BRD9: variants seen among roughly 807,000 people sequenced by gnomAD.
The protein encoded by BRD9 is bromodomain-containing protein 9.
BRD9 carries 47 observed loss-of-function variants against 68.7 expected under a neutral mutation model. That is an observed-to-expected ratio of 0.68 (90% CI 0.54 to 0.87). The LOEUF (loss-of-function observed/expected upper bound fraction) is 0.87, where lower values mean the gene tolerates loss of function less well. Ranked by LOEUF, BRD9 falls within the 40% of genes least tolerant of loss-of-function variation. BRD9 has a pLI of 0.00. For missense variants in BRD9, 670 were observed against 748.4 expected (o/e 0.90, Z 1.22); for synonymous variants, 313 against 293.9 (o/e 1.06, Z -0.67).
chr5:870,531 G>A lies in BRD9; in HGVS notation c.1467C>T (p.Phe489=), dbSNP rs1422072490. 6 of 1,614,078 alleles carry A rather than the reference G, an allele frequency of 3.7e-6. No individual in the cohort carries two copies. The African/African-American group carries it at 8.0e-5, about 22-fold the overall frequency. ...CGTCGGGATAGGACTTCATCGACATGAACTCCAGAACAGAGCTGCTGCTGT... is the reference window on the plus strand; with the variant it reads ...CGTCGGGATAGGACTTCATCGACATAAACTCCAGAACAGAGCTGCTGCTGT... The part of the protein sequence containing the change: ...LGDSSSSVLE[F]MSMKSYPDVS... Residue 489 remains phenylalanine, a synonymous_variant, in exon 14 of 16, where the codon TTC becomes TTT. Coordinates refer to ENST00000467963, the MANE Select transcript of BRD9 (RefSeq NM_023924.5).
intron 11 of BRD9, 88 bp downstream of exon 11, chr5:878,267 A>T (rs1207417771): frequency 5.7e-6 from 9 of 1,566,370 alleles, no homozygotes; most frequent in Non-Finnish European, 6.9e-6. Flanking sequence ...CTCTCTCCCC[A>T]CCCGCACACA....
intron 13 of BRD9, 70 bp from the exon 14 acceptor site, chr5:870,645 G>T: frequency 3.7e-6 from 4 of 1,089,532 alleles, no homozygotes; most frequent in South Asian, 1.3e-5. Context: ...CTTCACACTC[G>T]CTATTGAAAT....
intron 8 of BRD9, chr5:883,284 C>G (rs1390765158): frequency 6.6e-6 from 3 of 454,242 alleles, no homozygotes; most frequent in Non-Finnish European, 1.3e-5. Context: ...ACGTTTTCTA[C>G]AGACTACATG....
intron 11 of BRD9, among the ~76,000 whole-genome samples, chr5:877,918 C>G (rs1751197522): frequency 3.3e-5 from 5 of 152,104 alleles, no homozygotes. Flanking sequence ...CGGGAAGGCA[C>G]AGGGAAAAGA....
At chr5:885,642 A>G (rs1349666318) in intron 7 of BRD9, among the ~76,000 whole-genome samples, 1 of 152,188 alleles carries the variant, frequency 6.6e-6, no homozygotes, top group Non-Finnish European at 1.5e-5. Flanking sequence ...TCCTCTCAGG[A>G]TACTGGGAAG....
chr5:892,625 C>A lies in BRD9; in HGVS notation c.33G>T (p.Glu11Asp). The change falls in exon 1 of 16, where the codon GAG becomes GAT. Residue 11 changes from glutamate (E) to aspartate (D), a missense_variant. This residue lies in a region of BRD9 where 161 missense variants were observed against 148.1 expected (regional missense o/e 1.09). Coordinates refer to ENST00000467963, the MANE Select transcript of BRD9 (RefSeq NM_023924.5). MGKKHKKHKA[E>D]WRSSYEDYAD... is the part of the protein sequence containing the mutation. The stretch of plus-strand genomic sequence containing the variant: ...CCTCACCCTCGTAGGACGAGCGCCA[C>A]TCGGCCTTGTGCTTCTTGTGCTTCT... 2.6e-6 allele frequency: 4 copies of A among 1,523,168 alleles called. No individual in the cohort carries two copies. Among genetic ancestry groups the A allele is most frequent in the Non-Finnish European group, 3.5e-6 (4 of 1,134,912 alleles). 94.4% of individuals were successfully genotyped at this position (1,523,168 alleles called of 1,614,324 possible).
At chr5:891,553 G>T in intron 2 of BRD9, 87 bp downstream of exon 2, 1 of 1,494,698 alleles carries the variant, frequency 6.7e-7, no homozygotes, top group Non-Finnish European at 8.9e-7. Flanking sequence ...CTCCAGCCAC[G>T]CAGGCGCACT....
intron 14 of BRD9, chr5:870,233 T>C (rs1460504124): frequency 6.3e-6 from 3 of 475,884 alleles, no homozygotes; most frequent in Non-Finnish European, 1.1e-5. Context: ...GACCCCATCC[T>C]GAGGTTACCC....
At position 881,138 on chromosome 5, in the gene BRD9, G is replaced by A. The variant is rs61732613; in HGVS notation, c.1011C>T (p.Ser337=). Residue 337 remains serine, a synonymous_variant, in exon 9 of 16, where the codon AGC becomes AGT. Coordinates refer to ENST00000467963, the MANE Select transcript of BRD9 (RefSeq NM_023924.5). ...KRNGDGSLLY[S]VVNTAEPDAD... ...CGTCCGGCTCGGCCGTGTTGACCAC[G>A]CTGTAGAGCAGGCTCCCGTCCCCGT... 11,055 of 1,614,034 alleles carry A rather than the reference G, an allele frequency of 6.8e-3. 501 individuals are homozygous for A. The African/African-American group carries it at 0.11, about 16-fold the overall frequency.
chr5:881,356 A>G (rs1751723741), intron 8 of BRD9, 174 bp from the exon 9 acceptor site: 1 of 650,588 alleles, frequency 1.5e-6, no homozygotes, highest in Admixed American at 2.5e-5. Context: ...GCAACAGCAG[A>G]GCGCGCACAG....
In BRD9 at chr5:881,130, T is replaced by C. The variant is rs1244845891; in HGVS notation, c.1019A>G (p.Asn340Ser). Residue 340 changes from asparagine to serine, a missense_variant, in exon 9 of 16, where the codon AAC (asparagine) becomes AGC (serine). Physicochemically the swap from Asn to Ser is conservative, Grantham distance 46. Around this residue, in one of 5 missense-constraint regions of BRD9, gnomAD observed 135 missense variants for 141.2 expected, o/e 0.96. Coordinates refer to ENST00000467963, the MANE Select transcript of BRD9 (RefSeq NM_023924.5). The part of the protein sequence containing the change: ...GDGSLLYSVV[N>S]TAEPDADEEE... ...ACCATCAGCGTCCGGCTCGGCCGTG[T>C]TGACCACGCTGTAGAGCAGGCTCCC... The C allele has an allele frequency of 6.2e-7, 1 of 1,613,980 alleles. No homozygotes were observed. Among genetic ancestry groups the C allele is most frequent in the African/African-American group, 1.3e-5 (1 of 74,942 alleles).
intron 15 of BRD9, 42 bp from the exon 16 acceptor site, chr5:864,610 C>T: frequency 1.9e-6 from 3 of 1,560,196 alleles, no homozygotes; most frequent in Non-Finnish European, 2.6e-6. Flanking sequence ...ACAGGACAGA[C>T]CCGCAGCACA....
chr5:883,579 C>G, intron 8 of BRD9: 2 of 395,018 alleles, frequency 5.1e-6, no homozygotes, highest in East Asian at 1.3e-4. Flanking sequence ...CCAGCACCCC[C>G]ACTGGAATAA....
chr5:887,352 GT>G lies in BRD9; in HGVS notation c.717+8del. 1 of 1,604,108 alleles carries G rather than the reference GT, an allele frequency of 6.2e-7. No individual in the cohort carries two copies. On this transcript the variant is annotated splice_region_variant and intron_variant, in intron 6 of 15. Coordinates refer to ENST00000467963, the MANE Select transcript of BRD9 (RefSeq NM_023924.5). ...TTCCGTAGCTCGCTGCTGCCAGTGA[GT>G]TTCTTACTTTGCTCATCATCTTAAA...
At chr5:865,322 C>G in intron 15 of BRD9, 92 bp downstream of exon 15, 3 of 1,440,204 alleles carry the variant, frequency 2.1e-6, no homozygotes, top group Non-Finnish European at 2.8e-6. Context: ...TCCAGCCTTC[C>G]CACAACTACA....
In BRD9 at chr5:891,298, G is replaced by A; in HGVS notation, c.268-11C>T. The A allele has an allele frequency of 6.5e-7, 1 of 1,549,936 alleles. No individual in the cohort carries two copies. ...CCGCTTCTTCTCTTCCTGGGCGGCAGAGTCAAGGGAGTGAGAAAGGCAGGA... is the reference window on the plus strand; with the variant it reads ...CCGCTTCTTCTCTTCCTGGGCGGCAAAGTCAAGGGAGTGAGAAAGGCAGGA... On this transcript the variant is annotated splice_polypyrimidine_tract_variant and intron_variant, in intron 2 of 15. Transcript: ENST00000467963.
chr5:865,473 C>A lies in BRD9; in HGVS notation c.1634G>T (p.Arg545Leu), dbSNP rs376958215. The A allele has an allele frequency of 6.3e-5, 101 of 1,599,358 alleles. No individual in the cohort carries two copies. The highest frequency in any genetic ancestry group is 7.3e-5 in the Non-Finnish European group (86 of 1,171,562). ...HEAQAERGGS[R>L]PSSNLSSLSN... ...CAGGGAGCTGAGGTTGGACGACGGC[C>A]GAGAGCCGCCGCGCTCCGCCTGTGC... Residue 545 changes from arginine (R) to leucine (L), a missense_variant, in exon 15 of 16, where the codon CGG becomes CTG. This residue lies in a region of BRD9 where 280 missense variants were observed against 281.5 expected (regional missense o/e 0.99). Transcript: ENST00000467963.
At chr5:887,265 G>A (rs1283228503) in intron 6 of BRD9, 96 bp downstream of exon 6, 13 of 1,031,078 alleles carry the variant, frequency 1.3e-5, no homozygotes, top group Middle Eastern at 2.3e-4. Flanking sequence ...GCGGGTGGAT[G>A]GAGCACGTGT....
At chr5:885,695 G>A (rs956598037) in intron 7 of BRD9, among the ~76,000 whole-genome samples, 2 of 152,214 alleles carry the variant, frequency 1.3e-5, no homozygotes, top group African/African-American at 4.8e-5. Context: ...CATGAGGGTG[G>A]ATGTCCTGAG....
Sources: allele counts gnomAD v4.1 joint callset (sites outside exome capture counted in the v4.1 genomes callset), GRCh38; gene constraint gnomAD v4.1.1; regional missense constraint gnomAD v4.1.1; transcripts MANE v1.5; gene names NCBI Gene and HGNC (gene_info 2026-07-23, HGNC 2026-07-21).